MAPK10: variants seen among roughly 807,000 people sequenced by gnomAD.
MAPK10 encodes mitogen-activated protein kinase 10, also known as JNK3 alpha protein kinase.
Under a neutral mutation model 59.3 loss-of-function variants are expected in MAPK10, and 25 were observed. The ratio of observed to expected loss-of-function variants is 0.42; its 90% CI spans 0.31 to 0.59. The LOEUF is 0.59. Ranked by LOEUF, MAPK10 falls within the 20% of genes least tolerant of loss-of-function variation. The pLI is 0.15. For missense variants in MAPK10, 351 were observed against 568.9 expected (o/e 0.62, Z 3.90); for synonymous variants, 190 against 200.5 (o/e 0.95, Z 0.44).
At chr4:86,443,125 T>G (rs143955756) in intron 1 of MAPK10, among the ~76,000 whole-genome samples, 1 of 152,052 alleles carries the variant, frequency 6.6e-6, no homozygotes, top group Non-Finnish European at 1.5e-5. Flanking sequence ...CAGCTCTGAA[T>G]AGATAAGTTT....
chr4:86,239,251 T>C (rs2092528295), intron 2 of MAPK10, among the ~76,000 whole-genome samples: 1 of 152,204 alleles, frequency 6.6e-6, no homozygotes, highest in Non-Finnish European at 1.5e-5. Context: ...AGTTTGCCAG[T>C]ATTTTGTTGA....
intron 1 of MAPK10, among the ~76,000 whole-genome samples, chr4:86,549,480 T>C (rs1759582395): frequency 6.6e-6 from 1 of 152,072 alleles, no homozygotes. Flanking sequence ...AAAAACACCA[T>C]ATAAAAAGAT....
At chr4:86,226,351 T>C (rs6827698) in intron 2 of MAPK10, among the ~76,000 whole-genome samples, 2 of 152,088 alleles carry the variant, frequency 1.3e-5, no homozygotes, top group African/African-American at 4.8e-5. Flanking sequence ...GTATTTCAAG[T>C]TCATAGTGCA....
At chr4:86,147,293 G>A (rs1035631675) in intron 4 of MAPK10, among the ~76,000 whole-genome samples, 1 of 151,994 alleles carries the variant, frequency 6.6e-6, no homozygotes. Flanking sequence ...TTGCCATGTT[G>A]CTCAGGCTGG....
intron 9 of MAPK10, among the ~76,000 whole-genome samples, chr4:86,070,898 T>C (rs1344048013): frequency 7.9e-5 from 12 of 152,216 alleles, no homozygotes; most frequent in Non-Finnish European, 1.5e-4. Context: ...GTCATTTGGG[T>C]ATATACCCAG....
intron 1 of MAPK10, among the ~76,000 whole-genome samples, chr4:86,546,276 G>A (rs4693776): frequency 0.23 from 34,244 of 151,844 alleles, 4,569 homozygotes; most frequent in Admixed American, 0.3. Flanking sequence ...GGCTGGGTGC[G>A]GTGGCTCACG....
In MAPK10 at chr4:86,359,288, C is replaced by CTCTCTCTCTCTCTCTGTG. The variant is rs796310826; in HGVS notation, c.-122+369_-122+370insCACAGAGAGAGAGAGAGA. The stretch of plus-strand genomic sequence containing the variant: ...CCTCTCTCTCTCTCTCTCTCTCTCT[C>CTCTCTCTCTCTCTCTGTG]TGTGTGTGTGTGTGTGTGTGTGTGT... On this transcript the variant is annotated intron_variant, in intron 1 of 13. Transcript: ENST00000641462. Among the ~76,000 whole-genome samples, 402 of 94,546 alleles carry CTCTCTCTCTCTCTCTGTG rather than the reference C, an allele frequency of 4.3e-3. 5 individuals are homozygous for CTCTCTCTCTCTCTCTGTG. Among genetic ancestry groups the CTCTCTCTCTCTCTCTGTG allele is most frequent in the Non-Finnish European group, 6.0e-3 (300 of 50,344 alleles). The allele number at this position is 94,546 out of a possible 152,430, so 62.0% of individuals were successfully genotyped here. A position where few individuals can be genotyped will look rare whatever the true frequency, so the allele number is the denominator to read the frequency against.
rs1215813470 is a variant in MAPK10, at chr4:86,359,797, T to A, written c.-261A>T. Reference sequence around the variant, plus strand: ...TATGGAGATTGTTTAAAATTAACGATGGACAGGTGATTTCCAAGAAAACCC... The same window carrying A: ...TATGGAGATTGTTTAAAATTAACGAAGGACAGGTGATTTCCAAGAAAACCC... On this transcript the variant is annotated 5_prime_UTR_variant, in exon 1 of 14. Transcript: ENST00000641462. 1 of 985,514 alleles carries A rather than the reference T, an allele frequency of 1.0e-6. No individual in the cohort carries two copies. Among genetic ancestry groups the A allele is most frequent in the Non-Finnish European group, 1.2e-6 (1 of 829,902 alleles). The allele number at this position is 985,514 out of a possible 1,614,324, so 61.0% of individuals were successfully genotyped here.
chr4:86,115,653 G>A (rs1033777624), intron 4 of MAPK10, among the ~76,000 whole-genome samples: 1 of 152,050 alleles, frequency 6.6e-6, no homozygotes. Context: ...TAGAGACGGG[G>A]TTTCTCCATG....
chr4:86,094,404 G>A (rs2053843043), intron 9 of MAPK10, among the ~76,000 whole-genome samples: 1 of 151,862 alleles, frequency 6.6e-6, no homozygotes, highest in South Asian at 2.1e-4. Context: ...TGTTAGCTTT[G>A]GATATAATAT....
chr4:86,509,206 G>A (rs1026364174), intron 1 of MAPK10, among the ~76,000 whole-genome samples: 3 of 151,924 alleles, frequency 2.0e-5, no homozygotes, highest in African/African-American at 4.8e-5. Context: ...AATTACAACC[G>A]CTTCATGGCA....
chr4:86,104,149 G>A (rs987985590), intron 5 of MAPK10, among the ~76,000 whole-genome samples: 1 of 151,960 alleles, frequency 6.6e-6, no homozygotes, highest in African/African-American at 2.4e-5. Context: ...AAAGACATGT[G>A]GAGTAATAAA....
In MAPK10 at chr4:86,227,262, C is replaced by T. The variant is rs577079205; in HGVS notation, c.-6-32855G>A. Among the ~76,000 whole-genome samples the T allele has an allele frequency of 2.0e-5, 3 of 152,124 alleles. No individual in the cohort carries two copies. The East Asian group carries it at 5.8e-4, about 30-fold the overall frequency. On this transcript the variant is annotated intron_variant, in intron 2 of 13. Transcript: ENST00000641462. ...CAACACTTTGGGAGGCCGAGGCAGG[C>T]AGATCACGAGGTCAGGAGATCGAGA...
intron 1 of MAPK10, among the ~76,000 whole-genome samples, chr4:86,382,293 T>C (rs1199748361): frequency 6.6e-6 from 1 of 152,058 alleles, no homozygotes; most frequent in African/African-American, 2.4e-5. Flanking sequence ...TACCCCACAC[T>C]GACCTGGCAC....
intron 1 of MAPK10, among the ~76,000 whole-genome samples, chr4:86,509,137 G>A (rs1756017349): frequency 6.6e-6 from 1 of 151,644 alleles, no homozygotes; most frequent in Non-Finnish European, 1.5e-5. Flanking sequence ...TTTTTTTAGA[G>A]CATTTTAACC....
chr4:86,180,541 T>C (rs191833888), intron 3 of MAPK10, among the ~76,000 whole-genome samples: 2 of 148,796 alleles, frequency 1.3e-5, no homozygotes, highest in East Asian at 4.0e-4. Flanking sequence ...CAAAGAGATA[T>C]CTGCACCCCC....
intron 1 of MAPK10, among the ~76,000 whole-genome samples, chr4:86,372,059 C>T (rs774699059): frequency 6.6e-5 from 10 of 152,090 alleles, no homozygotes; most frequent in Admixed American, 1.3e-4. Flanking sequence ...AACTCTCCAC[C>T]CCCAAATCAA....
intron 13 of MAPK10, chr4:86,025,282 G>T: frequency 2.6e-6 from 1 of 380,340 alleles, no homozygotes; most frequent in African/African-American, 2.1e-5. Flanking sequence ...ACTATTAGAT[G>T]AAAACTATTT....
At chr4:86,216,300 A>G (rs1415001325) in intron 2 of MAPK10, among the ~76,000 whole-genome samples, 3 of 132,548 alleles carry the variant, frequency 2.3e-5, no homozygotes, top group African/African-American at 3.3e-5. Context: ...TATAGCATAT[A>G]TATATATATA....
Sources: gnomAD v4.1 joint callset for allele counts (sites outside exome capture counted in the v4.1 genomes callset) on GRCh38, gnomAD v4.1.1 for gene constraint, MANE v1.5 for transcripts, NCBI Gene and HGNC (gene_info 2026-07-23, HGNC 2026-07-21) for gene names.